The following LRP1B variants were observed in gnomAD, a reference collection of about 807,000 sequenced individuals.
LRP1B encodes the protein LDL receptor related protein 1B, also known as low-density lipoprotein receptor-related protein 1B.
Under a neutral mutation model 556.6 loss-of-function variants are expected in LRP1B, and 217 were observed. The observed-to-expected ratio is 0.39, with a 90% CI of 0.35 to 0.44. The LOEUF (loss-of-function observed/expected upper bound fraction) is 0.44, where lower values mean the gene tolerates loss of function less well. LRP1B is among the 20% of genes least tolerant of loss of function. The probability of loss-of-function intolerance (pLI) is 1.00; values close to 1 mark genes in which losing one functional copy is unlikely to be tolerated. For synonymous variants in LRP1B, 2,047 were observed against 1,865.8 expected, an observed-to-expected ratio of 1.10 and a Z score of -2.50; for missense variants, 5,053 against 5,620.8, an observed-to-expected ratio of 0.90 and a Z score of 3.23.
chr2:141,718,297 C>T (rs1376440945), intron 2 of LRP1B, among the ~76,000 whole-genome samples: 2 of 152,150 alleles, frequency 1.3e-5, no homozygotes, highest in Non-Finnish European at 2.9e-5. Context: ...GCTATTCTTT[C>T]CCCTTGCCTC....
At chr2:140,964,454 T>C (rs1264639904) in intron 18 of LRP1B, among the ~76,000 whole-genome samples, 1 of 152,124 alleles carries the variant, frequency 6.6e-6, no homozygotes, top group African/African-American at 2.4e-5. Flanking sequence ...GTGTTGTTTC[T>C]TGACACATTT....
intron 41 of LRP1B, among the ~76,000 whole-genome samples, chr2:140,666,407 G>A (rs1184128536): frequency 6.6e-6 from 1 of 151,940 alleles, no homozygotes; most frequent in South Asian, 2.1e-4. Context: ...TGATTGTGAA[G>A]AAAATTTTAA....
intron 2 of LRP1B, among the ~76,000 whole-genome samples, chr2:141,634,401 G>C (rs1199884304): frequency 6.6e-6 from 1 of 151,490 alleles, no homozygotes; most frequent in Non-Finnish European, 1.5e-5. Flanking sequence ...CAGCTAGAAG[G>C]GATTTTAGAA....
At chr2:140,497,450 T>TA (rs927431252) in intron 55 of LRP1B, among the ~76,000 whole-genome samples, 13 of 151,726 alleles carry the variant, frequency 8.6e-5, no homozygotes, top group East Asian at 1.9e-4. Context: ...ACTGTACACA[T>TA]AAAAAAATGG....
At chr2:142,099,721 C>A (rs72994140) in intron 1 of LRP1B, among the ~76,000 whole-genome samples, 3,851 of 151,928 alleles carry the variant, frequency 0.025, 159 homozygotes, top group African/African-American at 0.088. Flanking sequence ...TAATAATAAA[C>A]CCCTTTCTTC....
chr2:140,700,761 A>T, intron 40 of LRP1B, 140 bp from the exon 41 acceptor site: 1 of 882,638 alleles, frequency 1.1e-6, no homozygotes, highest in South Asian at 1.8e-5. Flanking sequence ...GGTCAATAAA[A>T]AATTAAAAAA....
At chr2:141,936,764 A>G (rs1397745054) in intron 1 of LRP1B, among the ~76,000 whole-genome samples, 1 of 152,198 alleles carries the variant, frequency 6.6e-6, no homozygotes, top group Non-Finnish European at 1.5e-5. Context: ...CATATAGTGA[A>G]TATTTATTTT....
chr2:141,387,756 T>G (rs1310918258), intron 3 of LRP1B, among the ~76,000 whole-genome samples: 3 of 152,150 alleles, frequency 2.0e-5, no homozygotes, highest in Non-Finnish European at 4.4e-5. Flanking sequence ...ACATCAAAAC[T>G]TCTTAGACTC....
At chr2:140,298,592 G>A (rs887856596) in intron 83 of LRP1B, among the ~76,000 whole-genome samples, 40 of 152,140 alleles carry the variant, frequency 2.6e-4, no homozygotes, top group African/African-American at 9.4e-4. Context: ...AGAGTGGACT[G>A]TACTTGAAGT....
intron 66 of LRP1B, among the ~76,000 whole-genome samples, chr2:140,428,680 G>A (rs1263591991): frequency 6.6e-6 from 1 of 152,158 alleles, no homozygotes; most frequent in Non-Finnish European, 1.5e-5. Flanking sequence ...AACTGTCACA[G>A]TGGAGGGTAA....
At chr2:140,747,128 G>A (rs2104880642) in intron 35 of LRP1B, among the ~76,000 whole-genome samples, 1 of 152,210 alleles carries the variant, frequency 6.6e-6, no homozygotes, top group East Asian at 1.9e-4. Flanking sequence ...AAAGTGAGTT[G>A]CAAAAAGCAT....
chr2:140,578,834 CTTAA>C (rs1681642043), intron 43 of LRP1B, among the ~76,000 whole-genome samples: 2 of 151,716 alleles, frequency 1.3e-5, no homozygotes, highest in Admixed American at 6.6e-5. Context: ...CATTTATTTA[CTTAA>C]TTAATCTTGT....
chr2:140,670,616 T>C (rs1343087649), intron 41 of LRP1B, among the ~76,000 whole-genome samples: 1 of 152,108 alleles, frequency 6.6e-6, no homozygotes, highest in African/African-American at 2.4e-5. Flanking sequence ...CCCTGAAGGG[T>C]AAAACATAGG....
intron 32 of LRP1B, among the ~76,000 whole-genome samples, chr2:140,788,311 C>T (rs1193320322): frequency 6.6e-6 from 1 of 152,122 alleles, no homozygotes; most frequent in Non-Finnish European, 1.5e-5. Context: ...CACCCACTAT[C>T]AATAAGAATG....
At chr2:141,059,082 A>T in intron 8 of LRP1B, 28 bp from the exon 9 acceptor site, 1 of 1,348,272 alleles carries the variant, frequency 7.4e-7, no homozygotes, top group Non-Finnish European at 9.9e-7. Context: ...CATAACTATG[A>T]TTTTTAATTA....
At chr2:141,580,804 G>C (rs1447732631) in intron 2 of LRP1B, among the ~76,000 whole-genome samples, 1 of 152,162 alleles carries the variant, frequency 6.6e-6, no homozygotes, top group Non-Finnish European at 1.5e-5. Flanking sequence ...TAAAGTCACT[G>C]AAGTTTCACA....
intron 3 of LRP1B, among the ~76,000 whole-genome samples, chr2:141,376,907 T>C (rs1185832281): frequency 6.6e-6 from 1 of 152,178 alleles, no homozygotes; most frequent in Non-Finnish European, 1.5e-5. Flanking sequence ...AATTCTGATA[T>C]GTAATCTCAA....
rs1043427943 is a variant in LRP1B, at chr2:141,258,048, C to A, written c.344-3407G>T. Among the ~76,000 whole-genome samples the A allele has an allele frequency of 2.0e-5, 3 of 152,210 alleles. No homozygotes were observed. In the South Asian group the frequency reaches 6.2e-4, roughly 32 times the overall value. On this transcript the variant is annotated intron_variant, in intron 3 of 90. Transcript: ENST00000389484. ...TAGCCATTGGCTTATGTAACATTAT[C>A]ATTGGTTTGGAACTTAGACTGAAGT...
In LRP1B at chr2:140,261,099, A is replaced by C. The variant is rs10185831; in HGVS notation, c.13247+9143T>G. Among the ~76,000 whole-genome samples the C allele has an allele frequency of 1.2e-3, 178 of 151,662 alleles. 2 individuals carry two copies. Among genetic ancestry groups the C allele is most frequent in the African/African-American group, 4.1e-3 (169 of 41,424 alleles). Reference sequence around the variant, plus strand: ...ATATGATGAAAGAAAGGAGATGTTAACAGTGTTAACAATAGGTTTTCTGTT... The same window carrying C: ...ATATGATGAAAGAAAGGAGATGTTACCAGTGTTAACAATAGGTTTTCTGTT... On this transcript the variant is annotated intron_variant, in intron 86 of 90. Transcript: ENST00000389484.
Sources: allele counts gnomAD v4.1 joint callset (sites outside exome capture counted in the v4.1 genomes callset), GRCh38; gene constraint gnomAD v4.1.1; transcripts MANE v1.5; gene names NCBI Gene and HGNC (gene_info 2026-07-23, HGNC 2026-07-21).